Variants in DNAAF9 observed in about 807,000 individuals in gnomAD.
DNAAF9 encodes shulin.
A neutral mutation model predicts 167.0 loss-of-function variants in DNAAF9; 90 were observed. That is an observed-to-expected ratio of 0.54 (90% confidence interval 0.45 to 0.64). The LOEUF (loss-of-function observed/expected upper bound fraction) is 0.64. Among genes scored for constraint, DNAAF9 ranks in the 30% least tolerant of loss-of-function variants. The probability of loss-of-function intolerance (pLI) is 0.00; values close to 1 mark genes in which losing one functional copy is unlikely to be tolerated. For synonymous variants in DNAAF9, 491 were observed against 508.8 expected, an observed-to-expected ratio of 0.96 and a Z score of 0.47; for missense variants, 1,315 against 1,442.2, an observed-to-expected ratio of 0.91 and a Z score of 1.43.
At chr20:3,321,269 G>T (rs1015057782) in intron 16 of DNAAF9, among the ~76,000 whole-genome samples, 3 of 152,184 alleles carry the variant, frequency 2.0e-5, no homozygotes, top group Admixed American at 1.3e-4. Context: ...TCATCACTGT[G>T]TGAACATTGT....
At chr20:3,274,494 A>G in intron 29 of DNAAF9, among the ~76,000 whole-genome samples, 1 of 152,206 alleles carries the variant, frequency 6.6e-6, no homozygotes, top group East Asian at 1.9e-4. Flanking sequence ...ACCATAATGT[A>G]AAGACTAAGG....
chr20:3,396,041 T>G (rs2083902373), intron 1 of DNAAF9, among the ~76,000 whole-genome samples: 2 of 152,328 alleles, frequency 1.3e-5, no homozygotes, highest in African/African-American at 4.8e-5. Flanking sequence ...GCAGTTTCCC[T>G]GCACAAGCTC....
intron 3 of DNAAF9, among the ~76,000 whole-genome samples, chr20:3,380,647 T>C (rs1329012964): frequency 6.6e-6 from 1 of 152,254 alleles, no homozygotes; most frequent in African/African-American, 2.4e-5. Flanking sequence ...CATAGCAATA[T>C]TATTTCACAT....
intron 6 of DNAAF9, chr20:3,359,975 T>G (rs1341276346): frequency 6.4e-6 from 1 of 156,600 alleles, no homozygotes; most frequent in East Asian, 1.9e-4. Flanking sequence ...AAAATGGTAA[T>G]CCCCAACTCC....
chr20:3,360,898 A>T (rs1348749617), intron 6 of DNAAF9, among the ~76,000 whole-genome samples: 1 of 152,128 alleles, frequency 6.6e-6, no homozygotes, highest in Non-Finnish European at 1.5e-5. Flanking sequence ...ACCACCAAGG[A>T]CTCTGAGAGC....
chr20:3,286,600 C>T (rs1179505240), intron 27 of DNAAF9, among the ~76,000 whole-genome samples: 2 of 152,096 alleles, frequency 1.3e-5, no homozygotes, highest in African/African-American at 2.4e-5. Context: ...ACCTTGCCCA[C>T]AAGCAGGACA....
intron 7 of DNAAF9, among the ~76,000 whole-genome samples, chr20:3,350,695 C>T (rs2070306110): frequency 6.6e-6 from 1 of 152,122 alleles, no homozygotes; most frequent in South Asian, 2.1e-4. Context: ...GATATCTTAA[C>T]ATAGTAGCTG....
At position 3,306,948 on chromosome 20, in the gene DNAAF9, G is replaced by A. The variant is rs1049514532; in HGVS notation, c.1679-2405C>T. 90 of 985,144 alleles carry A rather than the reference G, an allele frequency of 9.1e-5. 1 individual carries two copies. The highest frequency in any genetic ancestry group is 5.2e-4 in the Middle Eastern group (1 of 1,936). 61.0% of individuals were successfully genotyped at this position (985,144 alleles called of 1,614,324 possible). A position where few individuals can be genotyped will look rare whatever the true frequency, so the allele number is the denominator to read the frequency against. The stretch of plus-strand genomic sequence containing the variant: ...TAGAAACTGCTCCTGCTGCTGAGTG[G>A]TTAGTACCTGCACCCTTCCCTGTCC... On this transcript the variant is annotated intron_variant, in intron 20 of 36. Coordinates refer to ENST00000252032, the MANE Select transcript of DNAAF9 (RefSeq NM_001009984.3).
At position 3,294,186 on chromosome 20, in the gene DNAAF9, G is replaced by T; in HGVS notation, c.2191C>A (p.Leu731Met). Residue 731 changes from leucine (L) to methionine (M), a missense_variant, in exon 25 of 37, where the codon CTG (leucine) becomes ATG (methionine). Transcript: ENST00000252032. ...PVMRTHLPVLLQQAEINTTHR... is the reference protein window; with the variant it reads ...PVMRTHLPVLMQQAEINTTHR... ...GTAGTGTTGATTTCAGCTTGCTGCAGCAGCACAGGAAGATGGGTCCGCATC... is the reference window on the plus strand; with the variant it reads ...GTAGTGTTGATTTCAGCTTGCTGCATCAGCACAGGAAGATGGGTCCGCATC... The T allele has an allele frequency of 6.2e-7, 1 of 1,612,520 alleles. No individual in the cohort carries two copies. The highest frequency in any genetic ancestry group is 8.5e-7 in the Non-Finnish European group (1 of 1,178,590).
At position 3,347,649 on chromosome 20, in the gene DNAAF9, C is replaced by T. The variant is rs77796617; in HGVS notation, c.789+876G>A. On this transcript the variant is annotated intron_variant, in intron 8 of 36. Coordinates refer to ENST00000252032, the MANE Select transcript of DNAAF9 (RefSeq NM_001009984.3). ...AGTTTATAAAATATGTAAAGGTAGC[C>T]GGATGCGATGGCTCACGCCTGTAAT... Among the ~76,000 whole-genome samples, 711 of 151,892 alleles carry T rather than the reference C, an allele frequency of 4.7e-3. 1 individual carries two copies. The highest frequency in any genetic ancestry group is 8.5e-3 in the Non-Finnish European group (575 of 67,992).
intron 1 of DNAAF9, among the ~76,000 whole-genome samples, chr20:3,384,790 G>A (rs1475950886): frequency 6.6e-6 from 1 of 151,994 alleles, no homozygotes; most frequent in Non-Finnish European, 1.5e-5. Flanking sequence ...GATACTCGAG[G>A]CTGGTTCATT....
intron 7 of DNAAF9, among the ~76,000 whole-genome samples, chr20:3,358,039 A>G (rs1457174601): frequency 2.0e-5 from 3 of 151,988 alleles, no homozygotes; most frequent in Non-Finnish European, 2.9e-5. Context: ...ATAAATAAAT[A>G]AAATAAAATT....
chr20:3,264,759 G>A (rs928676592), intron 30 of DNAAF9, among the ~76,000 whole-genome samples: 5 of 152,058 alleles, frequency 3.3e-5, no homozygotes, highest in South Asian at 2.1e-4. Context: ...CAGTAGGGAC[G>A]GGGTTTCACC....
At chr20:3,361,604 G>C (rs1395305287) in intron 6 of DNAAF9, among the ~76,000 whole-genome samples, 1 of 152,162 alleles carries the variant, frequency 6.6e-6, no homozygotes, top group Non-Finnish European at 1.5e-5. Flanking sequence ...AGTTATGATG[G>C]TAATCAATTT....
intron 1 of DNAAF9, among the ~76,000 whole-genome samples, chr20:3,399,720 T>C (rs866409619): frequency 6.6e-6 from 1 of 152,152 alleles, no homozygotes; most frequent in Non-Finnish European, 1.5e-5. Flanking sequence ...CCTACAGCCA[T>C]TCTGTGATCA....
chr20:3,289,004 C>T (rs1270998154), intron 26 of DNAAF9, among the ~76,000 whole-genome samples: 5 of 152,146 alleles, frequency 3.3e-5, no homozygotes, highest in Non-Finnish European at 7.3e-5. Context: ...AAAGTCTCTG[C>T]TCAAATATCA....
At chr20:3,281,794 G>A in intron 27 of DNAAF9, 28 bp from the exon 28 acceptor site, 1 of 1,596,544 alleles carries the variant, frequency 6.3e-7, no homozygotes. Flanking sequence ...GGAATGATTA[G>A]TTCACTGACT....
chr20:3,400,272 T>C (rs916923531), intron 1 of DNAAF9, among the ~76,000 whole-genome samples: 2 of 152,138 alleles, frequency 1.3e-5, no homozygotes, highest in Non-Finnish European at 2.9e-5. Context: ...CTGAGTTGGA[T>C]CCTGGAACAG....
chr20:3,371,893 T>C (rs2083515420), intron 6 of DNAAF9, among the ~76,000 whole-genome samples: 1 of 151,662 alleles, frequency 6.6e-6, no homozygotes, highest in East Asian at 1.9e-4. Flanking sequence ...AGTGGGAGAG[T>C]AAGAAGGAGG....
Sources: allele counts gnomAD v4.1 joint callset (sites outside exome capture counted in the v4.1 genomes callset), GRCh38; gene constraint gnomAD v4.1.1; transcripts MANE v1.5; gene names NCBI Gene and HGNC (gene_info 2026-07-23, HGNC 2026-07-21).